CTPS2: variants seen among roughly 807,000 people sequenced by gnomAD.
CTPS2 encodes the protein CTP synthase II.
In CTPS2, 19 loss-of-function variants were observed where a neutral mutation model predicts 46.8. The observed-to-expected ratio is 0.41, with a 90% CI of 0.28 to 0.60. The LOEUF (loss-of-function observed/expected upper bound fraction) is 0.60, where lower values mean the gene tolerates loss of function less well. Ranked by LOEUF, CTPS2 falls within the 20% of genes least tolerant of loss-of-function variation. The probability of loss-of-function intolerance (pLI) is 0.35; values close to 1 mark genes in which losing one functional copy is unlikely to be tolerated. For missense variants in CTPS2, 286 were observed against 447.6 expected (o/e 0.64, Z 3.26); for synonymous variants, 151 against 165.2 (o/e 0.91, Z 0.66).
intron 9 of CTPS2, among the ~76,000 whole-genome samples, chrX:16,679,323 A>G (rs1457376358): frequency 9.0e-6 from 1 of 110,990 alleles, no homozygotes; most frequent in Non-Finnish European, 1.9e-5. Context: ...GTGCCACTGC[A>G]CTCAAGTCTG....
intron 17 of CTPS2, among the ~76,000 whole-genome samples, chrX:16,596,041 T>G: frequency 9.0e-6 from 1 of 110,858 alleles, no homozygotes; most frequent in Non-Finnish European, 1.9e-5. Context: ...TCTAACCTTT[T>G]ATTTTTATTT....
intron 2 of CTPS2, among the ~76,000 whole-genome samples, chrX:16,702,032 GT>G: frequency 9.1e-6 from 1 of 110,349 alleles, no homozygotes; most frequent in South Asian, 3.8e-4. Flanking sequence ...TTGGGGGTTG[GT>G]TTTTTGTTGT....
At chrX:16,698,165 T>A in intron 4 of CTPS2, 71 bp downstream of exon 4, 1 of 808,847 alleles carries the variant, frequency 1.2e-6, no homozygotes, top group Non-Finnish European at 1.9e-6. Flanking sequence ...TAAGTATTTG[T>A]CAAATAAATG....
intron 8 of CTPS2, 142 bp downstream of exon 8, chrX:16,689,308 T>G: frequency 2.0e-6 from 1 of 512,211 alleles, no homozygotes; most frequent in Non-Finnish European, 3.3e-6. Context: ...CGCAACAGTA[T>G]GCTCCATCTT....
At chrX:16,678,082 A>G (rs1478233253) in intron 10 of CTPS2, among the ~76,000 whole-genome samples, 1 of 112,076 alleles carries the variant, frequency 8.9e-6, no homozygotes, top group Admixed American at 9.5e-5. Flanking sequence ...AGGAGAATCA[A>G]CACACTTTCC....
At chrX:16,617,290 C>T (rs756334768) in intron 15 of CTPS2, 44 bp from the exon 16 acceptor site, 2 of 970,434 alleles carry the variant, frequency 2.1e-6, no homozygotes, top group Non-Finnish European at 2.9e-6. Flanking sequence ...CAGTGCAATA[C>T]CAGCTGCCAT....
At chrX:16,626,802 C>A (rs1021091357) in intron 14 of CTPS2, among the ~76,000 whole-genome samples, 1 of 110,326 alleles carries the variant, frequency 9.1e-6, no homozygotes, top group African/African-American at 3.3e-5. Flanking sequence ...CCTCCAGGCA[C>A]TTTTTGCCCC....
intron 16 of CTPS2, among the ~76,000 whole-genome samples, chrX:16,611,729 C>A (rs1930273188): frequency 9.0e-6 from 1 of 110,772 alleles, no homozygotes; most frequent in African/African-American, 3.3e-5. Flanking sequence ...CCAGTGAGTT[C>A]TATAGGACAG....
At chrX:16,609,462 G>C in intron 17 of CTPS2, 79 bp downstream of exon 17, 2 of 961,621 alleles carry the variant, frequency 2.1e-6, no homozygotes, top group Non-Finnish European at 2.9e-6. Flanking sequence ...TTCTATAGTG[G>C]TATTAATTTT....
intron 17 of CTPS2, among the ~76,000 whole-genome samples, chrX:16,592,743 C>T (rs1404513936): frequency 1.8e-5 from 2 of 112,027 alleles, no homozygotes; most frequent in Non-Finnish European, 3.8e-5. Flanking sequence ...AGGTCAGCAG[C>T]GTGAAAGTTT....
chrX:16,661,676 T>G (rs918149721), intron 13 of CTPS2, among the ~76,000 whole-genome samples: 3 of 111,808 alleles, frequency 2.7e-5, no homozygotes, highest in African/African-American at 9.8e-5. Context: ...TGAAAATTCC[T>G]GGATCAAAAA....
chrX:16,672,348 C>T (rs1279939045), intron 10 of CTPS2, among the ~76,000 whole-genome samples: 1 of 111,662 alleles, frequency 9.0e-6, no homozygotes, highest in African/African-American at 3.3e-5. Context: ...TTCAGTGTCA[C>T]TGCAATGGGT....
At chrX:16,701,497 T>A (rs1187012864) in intron 2 of CTPS2, among the ~76,000 whole-genome samples, 1 of 110,652 alleles carries the variant, frequency 9.0e-6, no homozygotes, top group Admixed American at 9.6e-5. Flanking sequence ...AGGTGGAGGT[T>A]GCATTGAGCC....
chrX:16,649,436 G>A (rs1932491270), intron 13 of CTPS2, among the ~76,000 whole-genome samples: 1 of 112,196 alleles, frequency 8.9e-6, no homozygotes, highest in Non-Finnish European at 1.9e-5. Flanking sequence ...ACATCAGAAG[G>A]ACTTCAATGG....
chrX:16,634,023 T>C (rs1391477776), intron 14 of CTPS2, among the ~76,000 whole-genome samples: 3 of 111,877 alleles, frequency 2.7e-5, no homozygotes, highest in Non-Finnish European at 5.6e-5. Flanking sequence ...GTTTTATCAG[T>C]AGGAAATGAA....
chrX:16,663,727 A>G (rs1168701670), intron 13 of CTPS2, among the ~76,000 whole-genome samples: 1 of 111,610 alleles, frequency 9.0e-6, no homozygotes, highest in Non-Finnish European at 1.9e-5. Context: ...GAAATGGATC[A>G]AAGTAGTTGC....
At chrX:16,596,897 G>C (rs1436971169) in intron 17 of CTPS2, among the ~76,000 whole-genome samples, 1 of 105,518 alleles carries the variant, frequency 9.5e-6, no homozygotes, top group East Asian at 2.9e-4. Flanking sequence ...TAACTGGTGT[G>C]AGATGATATC....
intron 10 of CTPS2, among the ~76,000 whole-genome samples, chrX:16,677,564 G>A (rs1355588441): frequency 9.0e-6 from 1 of 111,672 alleles, no homozygotes; most frequent in African/African-American, 3.3e-5. Context: ...ACTCCATCTT[G>A]AATAGGGGCT....
At chrX:16,678,321 T>A (rs377728763) in intron 10 of CTPS2, 41 bp downstream of exon 10, 1 of 856,612 alleles carries the variant, frequency 1.2e-6, no homozygotes, top group Non-Finnish European at 1.7e-6. Context: ...AAAAGTACAA[T>A]GGTCCTATCC....
Sources: gnomAD v4.1 joint callset for allele counts (sites outside exome capture counted in the v4.1 genomes callset) on GRCh38, gnomAD v4.1.1 for gene constraint, MANE v1.5 for transcripts, NCBI Gene and HGNC (gene_info 2026-07-23, HGNC 2026-07-21) for gene names.